Variants in FOXP1 observed in about 807,000 individuals in gnomAD.
The protein encoded by FOXP1 is forkhead box protein P1.
In FOXP1, 15 loss-of-function variants were observed where a neutral mutation model predicts 98.2. That is an observed-to-expected ratio of 0.15 (90% CI 0.10 to 0.24). FOXP1 has a LOEUF of 0.24. Among genes scored for constraint, FOXP1 ranks in the 10% least tolerant of loss-of-function variants. The probability of loss-of-function intolerance (pLI) is 1.00; values close to 1 mark genes in which losing one functional copy is unlikely to be tolerated. For missense variants in FOXP1, 633 were observed against 848.5 expected (o/e 0.75, Z 3.15); for synonymous variants, 371 against 314.5 (o/e 1.18, Z -1.90).
At chr3:71,368,342 T>C (rs1449530894) in intron 3 of FOXP1, among the ~76,000 whole-genome samples, 1 of 152,112 alleles carries the variant, frequency 6.6e-6, no homozygotes, top group Non-Finnish European at 1.5e-5. Context: ...GCCAGGCTGG[T>C]CTCGAACTTC....
chr3:71,212,178 A>G (rs1469360988), intron 5 of FOXP1, among the ~76,000 whole-genome samples: 1 of 152,202 alleles, frequency 6.6e-6, no homozygotes, highest in Non-Finnish European at 1.5e-5. Flanking sequence ...TTGAAAATGG[A>G]ATTGCTTCAA....
intron 3 of FOXP1, among the ~76,000 whole-genome samples, chr3:71,413,574 T>G (rs1165584805): frequency 6.6e-6 from 1 of 152,190 alleles, no homozygotes; most frequent in Admixed American, 6.5e-5. Flanking sequence ...ACAACATATT[T>G]AACACCCATA....
At chr3:71,124,639 G>A (rs1451444133) in intron 6 of FOXP1, among the ~76,000 whole-genome samples, 2 of 134,978 alleles carry the variant, frequency 1.5e-5, no homozygotes, top group East Asian at 5.2e-4. Context: ...CATAAACTGT[G>A]TGTCAAAAAA....
intron 12 of FOXP1, among the ~76,000 whole-genome samples, chr3:71,012,753 C>T (rs1339517673): frequency 6.6e-6 from 1 of 151,904 alleles, no homozygotes; most frequent in African/African-American, 2.4e-5. Flanking sequence ...TGGAGACCTG[C>T]ACATAAATCA....
At chr3:71,311,804 C>T (rs1028012348) in intron 4 of FOXP1, among the ~76,000 whole-genome samples, 4 of 152,206 alleles carry the variant, frequency 2.6e-5, no homozygotes, top group African/African-American at 9.6e-5. Flanking sequence ...TACCTTTTGG[C>T]CACCACCAAA....
At chr3:71,346,957 C>T (rs934316274) in intron 4 of FOXP1, among the ~76,000 whole-genome samples, 78 of 152,104 alleles carry the variant, frequency 5.1e-4, no homozygotes, top group African/African-American at 1.9e-3. Context: ...CACTTGAACC[C>T]GGGACATGGA....
At position 71,194,615 on chromosome 3, in the gene FOXP1, GCT is replaced by G. The variant is rs573824714; in HGVS notation, c.180+3585_180+3586del. 5.2e-4 allele frequency among the ~76,000 whole-genome samples: 79 copies of G among 151,792 alleles called. 1 individual carries two copies. The highest frequency in any genetic ancestry group is 1.8e-3 in the African/African-American group (76 of 41,406). ...AAGGAAAAAAAAAACTTTAGTAATT[GCT>G]AATAGTATTTGTTGCTGAGTTTCAT... On this transcript the variant is annotated intron_variant, in intron 6 of 20. Transcript: ENST00000649528.
chr3:71,306,918 A>G (rs181768784), intron 4 of FOXP1, among the ~76,000 whole-genome samples: 18 of 152,304 alleles, frequency 1.2e-4, no homozygotes, highest in African/African-American at 4.1e-4. Context: ...ATTTGTCCTT[A>G]CAACCCAGGA....
Position 71,501,351 on chromosome 3 carries a change from GT to G in FOXP1, c.-297-7797del, listed in dbSNP as rs562008853. Among the ~76,000 whole-genome samples, 18 of 146,728 alleles carry G rather than the reference GT, an allele frequency of 1.2e-4. No homozygotes were observed. In the South Asian group the frequency reaches 3.6e-3, roughly 30 times the overall value. On this transcript the variant is annotated intron_variant, in intron 2 of 20. Transcript: ENST00000649528. ...CGCTGTGTTGCCAGGCTGGAGTGCA[GT>G]GGTGCCATCTCGGCTCACCACCACC...
intron 7 of FOXP1, among the ~76,000 whole-genome samples, chr3:71,095,712 C>T (rs1326271274): frequency 1.3e-5 from 2 of 152,076 alleles, no homozygotes; most frequent in East Asian, 1.9e-4. Flanking sequence ...TCAACACTTA[C>T]CTGAAAGGTA....
At chr3:71,024,421 G>A (rs2045851614) in intron 11 of FOXP1, among the ~76,000 whole-genome samples, 1 of 152,188 alleles carries the variant, frequency 6.6e-6, no homozygotes. Context: ...TTTTCCAAAA[G>A]TAAGTTGACA....
chr3:71,127,057 C>T (rs2687766), intron 6 of FOXP1, among the ~76,000 whole-genome samples: 150,055 of 152,218 alleles, frequency 0.99, 73,992 homozygotes, highest in East Asian at 1. Flanking sequence ...AAACAAACAG[C>T]TTCAGGAGCC....
chr3:71,359,680 C>T (rs1351965532), intron 3 of FOXP1, among the ~76,000 whole-genome samples: 7 of 152,140 alleles, frequency 4.6e-5, no homozygotes, highest in South Asian at 4.1e-4. Context: ...TATAGGTGTG[C>T]GCCACCATGC....
chr3:71,009,849 A>G (rs2043326453), intron 12 of FOXP1, among the ~76,000 whole-genome samples: 1 of 152,020 alleles, frequency 6.6e-6, no homozygotes, highest in African/African-American at 2.4e-5. Flanking sequence ...TCTGGGCTCA[A>G]GTGAGCCTCC....
At chr3:71,208,717 T>C (rs1413046000) in intron 5 of FOXP1, among the ~76,000 whole-genome samples, 1 of 152,096 alleles carries the variant, frequency 6.6e-6, no homozygotes, top group Non-Finnish European at 1.5e-5. Context: ...CAATTTAACA[T>C]TAACCAGGTG....
intron 6 of FOXP1, among the ~76,000 whole-genome samples, chr3:71,192,220 C>A (rs891276889): frequency 1.3e-5 from 2 of 152,206 alleles, no homozygotes; most frequent in African/African-American, 4.8e-5. Context: ...TAACAAAGTT[C>A]ATAAGCCACC....
At chr3:71,286,610 T>A (rs2072171110) in intron 5 of FOXP1, among the ~76,000 whole-genome samples, 1 of 152,162 alleles carries the variant, frequency 6.6e-6, no homozygotes, top group Admixed American at 6.5e-5. Context: ...TAAATGGCTC[T>A]CCTTTGAAAG....
intron 4 of FOXP1, among the ~76,000 whole-genome samples, chr3:71,357,593 T>C (rs1422945954): frequency 6.6e-6 from 1 of 152,164 alleles, no homozygotes; most frequent in Non-Finnish European, 1.5e-5. Context: ...TAAGGATGCA[T>C]TTCCCAGACA....
chr3:71,033,712 G>A (rs1238320198), intron 11 of FOXP1, among the ~76,000 whole-genome samples: 1 of 151,932 alleles, frequency 6.6e-6, no homozygotes, highest in Non-Finnish European at 1.5e-5. Flanking sequence ...AATGACAGGC[G>A]GTGATACGGC....
Sources: gnomAD v4.1 joint callset for allele counts (sites outside exome capture counted in the v4.1 genomes callset) on GRCh38, gnomAD v4.1.1 for gene constraint, MANE v1.5 for transcripts, NCBI Gene and HGNC (gene_info 2026-07-23, HGNC 2026-07-21) for gene names.